The following ASXL2 variants were observed in gnomAD, a reference collection of about 807,000 sequenced individuals.
ASXL2 encodes the protein ASXL transcriptional regulator 2.
In ASXL2, 23 loss-of-function variants were observed where a neutral mutation model predicts 122.0. That is an observed-to-expected ratio of 0.19 (90% CI 0.14 to 0.27). ASXL2 has a LOEUF of 0.27. Among genes scored for constraint, ASXL2 ranks in the 10% least tolerant of loss-of-function variants. The pLI is 1.00. For missense variants in ASXL2, 1,518 were observed against 1,713.8 expected (o/e 0.89, Z 2.02); for synonymous variants, 650 against 637.0 (o/e 1.02, Z -0.31).
At chr2:25,846,509 G>A (rs1272468789) in intron 1 of ASXL2, among the ~76,000 whole-genome samples, 2 of 152,222 alleles carry the variant, frequency 1.3e-5, no homozygotes, top group South Asian at 4.2e-4. Context: ...TTAGTCAGGC[G>A]TGGTGGTGAG....
intron 9 of ASXL2, among the ~76,000 whole-genome samples, chr2:25,757,354 C>T (rs1332152502): frequency 6.6e-6 from 1 of 151,514 alleles, no homozygotes; most frequent in South Asian, 2.1e-4. Flanking sequence ...TTAAGAATAC[C>T]CTGGCTGGGC....
intron 1 of ASXL2, among the ~76,000 whole-genome samples, chr2:25,877,120 G>C (rs2090016161): frequency 6.6e-6 from 1 of 152,000 alleles, no homozygotes; most frequent in Admixed American, 6.5e-5. Flanking sequence ...TAAACCATAT[G>C]GCATCTAATA....
At chr2:25,769,801 T>C (rs2088415431) in intron 6 of ASXL2, among the ~76,000 whole-genome samples, 1 of 152,198 alleles carries the variant, frequency 6.6e-6, no homozygotes, top group South Asian at 2.1e-4. Context: ...ACTTCTGGTT[T>C]CCTATTTTCT....
At chr2:25,763,114 T>A (rs995794510) in intron 8 of ASXL2, among the ~76,000 whole-genome samples, 1 of 152,138 alleles carries the variant, frequency 6.6e-6, no homozygotes, top group South Asian at 2.1e-4. Context: ...AACCCACCAT[T>A]TGGATAGGAG....
intron 1 of ASXL2, among the ~76,000 whole-genome samples, chr2:25,866,285 C>G (rs2089903515): frequency 6.6e-6 from 1 of 152,022 alleles, no homozygotes; most frequent in African/African-American, 2.4e-5. Context: ...TGCATGCCAC[C>G]ACGCCCAGCT....
chr2:25,824,351 C>A (rs2089349731), intron 3 of ASXL2, among the ~76,000 whole-genome samples: 1 of 151,998 alleles, frequency 6.6e-6, no homozygotes, highest in South Asian at 2.1e-4. Flanking sequence ...GTAGTATGTG[C>A]AGGTGGTATA....
chr2:25,779,459 T>C (rs1260435783), intron 5 of ASXL2, among the ~76,000 whole-genome samples: 1 of 152,088 alleles, frequency 6.6e-6, no homozygotes, highest in African/African-American at 2.4e-5. Flanking sequence ...ATAATATTAC[T>C]ATAATTATTG....
chr2:25,838,394 C>T (rs2089538037), intron 2 of ASXL2, among the ~76,000 whole-genome samples: 1 of 152,198 alleles, frequency 6.6e-6, no homozygotes, highest in African/African-American at 2.4e-5. Flanking sequence ...CAGTTAATAA[C>T]TTTCCTGTTC....
intron 3 of ASXL2, among the ~76,000 whole-genome samples, chr2:25,813,189 A>G (rs1435179173): frequency 2.0e-5 from 3 of 152,324 alleles, no homozygotes. Flanking sequence ...CACAGAGGGA[A>G]GCTTTCTTAG....
chr2:25,753,949 C>G (rs958046980), intron 10 of ASXL2, among the ~76,000 whole-genome samples: 1 of 152,158 alleles, frequency 6.6e-6, no homozygotes, highest in African/African-American at 2.4e-5. Flanking sequence ...TTATCTCTTA[C>G]CTAGAACTTC....
At chr2:25,808,047 T>A (rs2089110706) in intron 3 of ASXL2, among the ~76,000 whole-genome samples, 1 of 132,284 alleles carries the variant, frequency 7.6e-6, no homozygotes, top group Admixed American at 7.4e-5. Flanking sequence ...AACAGATACA[T>A]GACTTAGGGC....
Position 25,750,130 on chromosome 2 carries a change from T to C in ASXL2, c.1426A>G (p.Ser476Gly), listed in dbSNP as rs1559500365. Residue 476 changes from serine to glycine, a missense_variant, in exon 12 of 13, where the codon AGC (serine) becomes GGC (glycine). By Grantham distance (56) the Ser-to-Gly change is moderately conservative. Transcript: ENST00000435504. ...SSALNTHELS[S>G]ILPIKCPKDE... is the part of the protein sequence containing the mutation. ...TTTGGGCACTTGATGGGAAGAATGCTGCTAAGCTCATGTGTATTGAGAGCT... is the reference window on the plus strand; with the variant it reads ...TTTGGGCACTTGATGGGAAGAATGCCGCTAAGCTCATGTGTATTGAGAGCT... 1 of 1,614,018 alleles carries C rather than the reference T, an allele frequency of 6.2e-7. No homozygotes were observed. The highest frequency in any genetic ancestry group is 1.3e-5 in the African/African-American group (1 of 75,054).
At chr2:25,754,830 G>T (rs1018834664) in intron 10 of ASXL2, among the ~76,000 whole-genome samples, 14 of 139,606 alleles carry the variant, frequency 1.0e-4, no homozygotes, top group African/African-American at 3.7e-4. Context: ...ATCTTTCTGA[G>T]AAAAAAAAAA....
intron 5 of ASXL2, among the ~76,000 whole-genome samples, chr2:25,773,205 C>G (rs150504301): frequency 2.0e-5 from 3 of 147,790 alleles, no homozygotes; most frequent in Non-Finnish European, 4.5e-5. Flanking sequence ...GAGAGTCCAT[C>G]TCAAAAAAAA....
intron 1 of ASXL2, among the ~76,000 whole-genome samples, chr2:25,857,314 CT>C (rs1456647409): frequency 1.3e-5 from 2 of 152,084 alleles, no homozygotes; most frequent in Non-Finnish European, 2.9e-5. Flanking sequence ...AAAATAGTCA[CT>C]TGGCACTATC....
At chr2:25,780,295 A>G (rs1261071968) in intron 5 of ASXL2, 2 of 152,188 alleles carry the variant, frequency 1.3e-5, no homozygotes, top group Admixed American at 6.5e-5. Flanking sequence ...AAAAAACTCA[A>G]TGCATCCTGG....
chr2:25,801,227 G>A (rs975141741), intron 4 of ASXL2, among the ~76,000 whole-genome samples: 23 of 152,170 alleles, frequency 1.5e-4, no homozygotes, highest in African/African-American at 4.3e-4. Context: ...GTGCCACTGC[G>A]CCTAGCCTGT....
Position 25,741,976 on chromosome 2 carries a change from C to G in ASXL2, c.*53G>C. 6.6e-7 allele frequency: 1 copy of G among 1,523,438 alleles called. No individual in the cohort carries two copies. The allele number at this position is 1,523,438 out of a possible 1,614,324, so 94.4% of individuals were successfully genotyped here. A position where few individuals can be genotyped will look rare whatever the true frequency, so the allele number is the denominator to read the frequency against. On this transcript the variant is annotated 3_prime_UTR_variant, in exon 13 of 13. Transcript: ENST00000435504. ...TTCCAAAAGGACGCAAAAAACCCAACTGGTCAACCCTTCCCTTCCCCCTCC... is the reference window on the plus strand; with the variant it reads ...TTCCAAAAGGACGCAAAAAACCCAAGTGGTCAACCCTTCCCTTCCCCCTCC...
chr2:25,803,545 C>G (rs996379101), intron 4 of ASXL2, among the ~76,000 whole-genome samples: 2 of 152,186 alleles, frequency 1.3e-5, no homozygotes, highest in African/African-American at 4.8e-5. Flanking sequence ...AGTTGAATTA[C>G]AGCAGTGGTC....
Sources: allele counts gnomAD v4.1 joint callset (sites outside exome capture counted in the v4.1 genomes callset), GRCh38; gene constraint gnomAD v4.1.1; transcripts MANE v1.5; gene names NCBI Gene and HGNC (gene_info 2026-07-23, HGNC 2026-07-21).